WDR25: variants seen among roughly 807,000 people sequenced by gnomAD.
WDR25 encodes the protein WD repeat domain 25, also known as WD repeat-containing protein 25.
WDR25 carries 35 observed loss-of-function variants against 47.7 expected under a neutral mutation model. The ratio of observed to expected loss-of-function variants is 0.73; its 90% CI spans 0.56 to 0.97. WDR25 has a LOEUF of 0.97. Ranked by LOEUF, WDR25 falls within the 50% of genes least tolerant of loss-of-function variation. The probability of loss-of-function intolerance (pLI) is 0.00; values close to 1 mark genes in which losing one functional copy is unlikely to be tolerated. For missense variants in WDR25, 634 were observed against 704.7 expected (o/e 0.90, Z 1.14); for synonymous variants, 248 against 278.9 (o/e 0.89, Z 1.10).
At chr14:100,518,661 C>A (rs573757995) in intron 4 of WDR25, among the ~76,000 whole-genome samples, 7 of 152,010 alleles carry the variant, frequency 4.6e-5, no homozygotes, top group African/African-American at 1.7e-4. Context: ...GAGGCCAAGG[C>A]GGGCAGATTG....
rs1900802561 is a variant in WDR25 at position 100,498,322 on chromosome 14, G to C, written c.1101+14198G>C. Among the ~76,000 whole-genome samples, 1 of 152,204 alleles carries C rather than the reference G, an allele frequency of 6.6e-6. No homozygotes were observed. Among genetic ancestry groups the C allele is most frequent in the South Asian group, 2.1e-4 (1 of 4,832 alleles). ...GAGGGCCACGTTCCGTAACAAGCGG[G>C]CCATTGCCACGCCCAGTTCAGAAGG... is the stretch of plus-strand genomic sequence containing the variant. On this transcript the variant is annotated intron_variant, in intron 4 of 6. Coordinates refer to ENST00000402312, the MANE Select transcript of WDR25 (RefSeq NM_001161476.3). This position sits in a 1 kb window ranked among gnomAD's most constrained non-coding sequence, Gnocchi z 4.2.
At chr14:100,471,488 G>A (rs141465077) in intron 3 of WDR25, among the ~76,000 whole-genome samples, 3 of 152,172 alleles carry the variant, frequency 2.0e-5, no homozygotes, top group Admixed American at 6.5e-5. Flanking sequence ...CTTTCGTCCC[G>A]CTTTGACTTG....
chr14:100,422,335 A>G (rs901403039), intron 2 of WDR25, among the ~76,000 whole-genome samples: 2 of 152,106 alleles, frequency 1.3e-5, no homozygotes, highest in African/African-American at 4.8e-5. Context: ...TCTAGGGGCT[A>G]GTGTTCTGAG....
intron 1 of WDR25, 117 bp from the exon 2 acceptor site, chr14:100,380,793 C>T (rs1896865966): frequency 2.0e-6 from 2 of 998,870 alleles, no homozygotes; most frequent in East Asian, 2.6e-5. Flanking sequence ...CACGCCTGGC[C>T]TGTGTTTATT....
rs774857146 is a variant in WDR25 at position 100,525,914 on chromosome 14, C to G, written c.1146C>G (p.Ile382Met). The G allele has an allele frequency of 1.2e-6, 2 of 1,613,980 alleles. No individual in the cohort carries two copies. Among genetic ancestry groups the G allele is most frequent in the Non-Finnish European group, 1.7e-6 (2 of 1,179,956 alleles). The part of the protein sequence containing the change: ...YKATIQQTLD[I>M]LFLREGSEFL... ...CGACCATCCAGCAGACCTTGGACAT[C>G]CTGTTCCTCCGGGAAGGCTCCGAGT... Residue 382 changes from isoleucine to methionine, a missense_variant, in exon 5 of 7, where the codon ATC becomes ATG. Ile to Met is a conservative substitution (Grantham distance 10, BLOSUM62 1). Transcript: ENST00000402312. This position sits in a 1 kb window ranked among gnomAD's most constrained non-coding sequence, Gnocchi z 4.6.
intron 2 of WDR25, among the ~76,000 whole-genome samples, chr14:100,409,185 C>A (rs994337563): frequency 6.6e-6 from 1 of 152,212 alleles, no homozygotes; most frequent in Non-Finnish European, 1.5e-5. Flanking sequence ...TCTCACAGGG[C>A]TGCCTTTGAG....
At chr14:100,448,710 G>T (rs561133675) in intron 2 of WDR25, among the ~76,000 whole-genome samples, 1 of 152,100 alleles carries the variant, frequency 6.6e-6, no homozygotes, top group South Asian at 2.1e-4. Context: ...AAAATGCATT[G>T]TTTCTTTCAC....
chr14:100,501,872 G>A (rs1205403146), intron 4 of WDR25, among the ~76,000 whole-genome samples: 2 of 152,200 alleles, frequency 1.3e-5, no homozygotes, highest in Non-Finnish European at 2.9e-5. Flanking sequence ...CTTGGAGGAG[G>A]ATGCTGGGAA....
At chr14:100,447,020 G>A (rs1001696545) in intron 2 of WDR25, among the ~76,000 whole-genome samples, 4 of 152,288 alleles carry the variant, frequency 2.6e-5, no homozygotes, top group African/African-American at 9.6e-5. Context: ...ACTTTAATAG[G>A]TAAGATAATT....
intron 4 of WDR25, among the ~76,000 whole-genome samples, chr14:100,491,136 G>T (rs763293739): frequency 6.6e-6 from 1 of 152,160 alleles, no homozygotes; most frequent in Non-Finnish European, 1.5e-5. Context: ...CAGGCATCAC[G>T]CTGTGCACGC....
At chr14:100,472,782 G>T (rs957403878) in intron 3 of WDR25, among the ~76,000 whole-genome samples, 3 of 152,338 alleles carry the variant, frequency 2.0e-5, no homozygotes, top group Non-Finnish European at 2.9e-5. Context: ...GGGACAACAC[G>T]CACTCTTTAT....
At chr14:100,472,781 C>T (rs555702726) in intron 3 of WDR25, among the ~76,000 whole-genome samples, 12 of 152,348 alleles carry the variant, frequency 7.9e-5, no homozygotes, top group African/African-American at 1.4e-4. Flanking sequence ...TGGGACAACA[C>T]GCACTCTTTA....
rs1264413399 is a variant in WDR25, at chr14:100,404,052, C to G, written c.822+22306C>G. Among the ~76,000 whole-genome samples, 3 of 152,230 alleles carry G rather than the reference C, an allele frequency of 2.0e-5. No individual in the cohort carries two copies. Among genetic ancestry groups the G allele is most frequent in the African/African-American group, 7.2e-5 (3 of 41,448 alleles). ...TGGGCTGTACCCAGTATCACAAGAG[C>G]TCAAGGTGGCTGCTCCCTGACATTC... On this transcript the variant is annotated intron_variant, in intron 2 of 6. Transcript: ENST00000402312. This position sits in a 1 kb window ranked among gnomAD's most constrained non-coding sequence, Gnocchi z 4.6.
intron 4 of WDR25, among the ~76,000 whole-genome samples, chr14:100,521,203 C>G (rs60491102): frequency 0.13 from 19,617 of 149,886 alleles, 4,105 homozygotes; most frequent in African/African-American, 0.45. Flanking sequence ...CACACACACA[C>G]AGAGAGAGAG....
intron 3 of WDR25, among the ~76,000 whole-genome samples, chr14:100,480,605 T>C (rs930218966): frequency 1.3e-5 from 2 of 152,320 alleles, no homozygotes; most frequent in Admixed American, 6.5e-5. Context: ...GTTTCCATTG[T>C]TATGTGATTT....
At chr14:100,385,670 C>T (rs865892194) in intron 2 of WDR25, among the ~76,000 whole-genome samples, 3 of 152,110 alleles carry the variant, frequency 2.0e-5, no homozygotes, top group Admixed American at 2.0e-4. Context: ...AATTCTGCAC[C>T]GCTGCTCTTT....
rs752609516 is a variant in WDR25, at chr14:100,529,988, C to T, written c.1582C>T (p.Pro528Ser). 1.9e-6 allele frequency: 3 copies of T among 1,613,402 alleles called. No individual in the cohort carries two copies. The highest frequency in any genetic ancestry group is 2.5e-6 in the Non-Finnish European group (3 of 1,179,934). Residue 528 changes from proline to serine, a missense_variant, in exon 7 of 7, where the codon CCC becomes TCC. Pro to Ser is a moderately conservative substitution (Grantham distance 74). Coordinates refer to ENST00000402312, the MANE Select transcript of WDR25 (RefSeq NM_001161476.3). The surrounding 1 kb of genome is among the most constrained non-coding windows in gnomAD (Gnocchi z 5.1). ...CVGTTYHPVL[P>S]SVLATCSWGG... ...CGGCACCACCTATCACCCCGTGCTGCCCTCCGTCCTCGCCACCTGCTCCTG... is the reference window on the plus strand; with the variant it reads ...CGGCACCACCTATCACCCCGTGCTGTCCTCCGTCCTCGCCACCTGCTCCTG...
At chr14:100,494,331 C>T (rs1364582757) in intron 4 of WDR25, among the ~76,000 whole-genome samples, 1 of 152,196 alleles carries the variant, frequency 6.6e-6, no homozygotes, top group Non-Finnish European at 1.5e-5. Context: ...TCTGTTTTTG[C>T]GTATTGTCTA....
intron 2 of WDR25, among the ~76,000 whole-genome samples, chr14:100,383,355 C>T (rs1294191897): frequency 1.3e-5 from 2 of 152,204 alleles, no homozygotes; most frequent in African/African-American, 4.8e-5. Context: ...CCTGTGGCCC[C>T]GGGGCTTCTC....
Sources: gnomAD v4.1 joint callset for allele counts (sites outside exome capture counted in the v4.1 genomes callset) on GRCh38, gnomAD v4.1.1 for gene constraint, Gnocchi (gnomAD v3.1) non-coding constraint, MANE v1.5 for transcripts, NCBI Gene and HGNC (gene_info 2026-07-23, HGNC 2026-07-21) for gene names.